Variants in CCNB3 observed in about 807,000 individuals in gnomAD.
The protein encoded by CCNB3 is cyclin B3.
CCNB3 carries 12 observed loss-of-function variants against 68.0 expected under a neutral mutation model. That is an observed-to-expected ratio of 0.18 (90% CI 0.11 to 0.29). The LOEUF is 0.29. CCNB3 is among the 10% of genes least tolerant of loss of function. The pLI, the probability that CCNB3 is intolerant of heterozygous loss-of-function variation, is 1.00. For missense variants in CCNB3, 904 were observed against 993.1 expected (o/e 0.91, Z 1.21); for synonymous variants, 354 against 388.9 (o/e 0.91, Z 1.06).
intron 1 of CCNB3, among the ~76,000 whole-genome samples, chrX:50,219,795 T>C (rs1310550290): frequency 9.0e-6 from 1 of 111,727 alleles, no homozygotes; most frequent in Non-Finnish European, 1.9e-5. Context: ...TAGTTTTTTC[T>C]AATTCTGTGA....
chrX:50,350,422 A>G (rs977802384), intron 11 of CCNB3, among the ~76,000 whole-genome samples: 2 of 112,011 alleles, frequency 1.8e-5, no homozygotes, highest in African/African-American at 6.5e-5. Context: ...TGCCTCCAGG[A>G]CCTCTGCTCT....
At chrX:50,317,889 C>G (rs1277226984) in intron 8 of CCNB3, among the ~76,000 whole-genome samples, 7 of 110,968 alleles carry the variant, frequency 6.3e-5, no homozygotes, top group African/African-American at 2.3e-4. Flanking sequence ...TATTTTATCT[C>G]AAAGGTTTAT....
intron 8 of CCNB3, among the ~76,000 whole-genome samples, chrX:50,314,495 A>G (rs1921627492): frequency 8.9e-6 from 1 of 112,151 alleles, no homozygotes; most frequent in Admixed American, 9.5e-5. Context: ...AATGAATGGA[A>G]TTGAAAGAAT....
chrX:50,214,475 CATATATATATAT>C lies in CCNB3; in HGVS notation c.-113+9548_-113+9559del, dbSNP rs1184201216. On this transcript the variant is annotated intron_variant, in intron 1 of 12. Coordinates refer to ENST00000376042, the MANE Select transcript of CCNB3 (RefSeq NM_033031.3). ...TTACCTTTCAGTTTTAGCTGTGGCC[CATATATATATAT>C]ATATATATATATATATATATATTTT... 4.3e-3 allele frequency among the ~76,000 whole-genome samples: 41 copies of C among 9,488 alleles called. 5 individuals are homozygous for C. Among genetic ancestry groups the C allele is most frequent in the Middle Eastern group, 0.1 (1 of 10 alleles). 8.2% of individuals were successfully genotyped at this position (9,488 alleles called of 115,157 possible).
rs1445705545 is a variant in CCNB3 at position 50,301,307 on chromosome X, T to C, written c.335+6314T>C. Among the ~76,000 whole-genome samples, 16 of 111,627 alleles carry C rather than the reference T, an allele frequency of 1.4e-4. No individual in the cohort carries two copies. The East Asian group carries it at 3.7e-3, about 26-fold the overall frequency. ...TTGGTGATGGTGATGTACAGATGGG[T>C]TTTTGGTGTGGATGTCCTTTCTGTT... On this transcript the variant is annotated intron_variant, in intron 5 of 12. Coordinates refer to ENST00000376042, the MANE Select transcript of CCNB3 (RefSeq NM_033031.3).
intron 3 of CCNB3, among the ~76,000 whole-genome samples, chrX:50,285,665 A>G (rs1936221949): frequency 9.0e-6 from 1 of 111,650 alleles, no homozygotes; most frequent in Non-Finnish European, 1.9e-5. Flanking sequence ...AAGAATGGGT[A>G]TATTTTGACT....
intron 1 of CCNB3, among the ~76,000 whole-genome samples, chrX:50,212,047 G>A (rs1935491102): frequency 9.0e-6 from 1 of 111,614 alleles, no homozygotes; most frequent in African/African-American, 3.3e-5. Context: ...TAATAAGAGT[G>A]AACTCAATCA....
chrX:50,304,823 C>T (rs1311376380), intron 5 of CCNB3, among the ~76,000 whole-genome samples: 10 of 111,841 alleles, frequency 8.9e-5, no homozygotes, highest in Non-Finnish European at 1.9e-4. Context: ...AAACAAACAA[C>T]CCCATCAACA....
chrX:50,329,813 C>A (rs1471361287), intron 8 of CCNB3, among the ~76,000 whole-genome samples: 1 of 112,308 alleles, frequency 8.9e-6, no homozygotes, highest in Non-Finnish European at 1.9e-5. Context: ...CTTCTGCACT[C>A]TGCTTCCTCT....
intron 5 of CCNB3, among the ~76,000 whole-genome samples, chrX:50,301,084 C>T (rs1177884921): frequency 2.7e-5 from 3 of 110,501 alleles, no homozygotes; most frequent in Non-Finnish European, 5.7e-5. Context: ...TTCGGACTTC[C>T]TCCTTTAGCT....
At position 50,310,672 on chromosome X, in the gene CCNB3, G is replaced by A. The variant is rs1557214661; in HGVS notation, c.2503G>A (p.Glu835Lys). ...CTTTAAGGAACCTTTGGCCTTGCAG[G>A]AGGAGCCCAGCACTGAGAAGGAGGC... ...AHFKEPLALQEEPSTEKEAVL... is the reference protein window; with the variant it reads ...AHFKEPLALQKEPSTEKEAVL... Residue 835 changes from glutamate (E) to lysine (K), a missense_variant, in exon 6 of 13, where the codon GAG (glutamate) becomes AAG (lysine). Transcript: ENST00000376042. 2 of 1,211,028 alleles carry A rather than the reference G, an allele frequency of 1.7e-6. No homozygotes were observed. Among genetic ancestry groups the A allele is most frequent in the Non-Finnish European group, 2.2e-6 (2 of 895,256 alleles).
In CCNB3 at chrX:50,279,484, T is replaced by G. The variant is rs1352713466; in HGVS notation, c.-112-5058T>G. Among the ~76,000 whole-genome samples, 4 of 82,518 alleles carry G rather than the reference T, an allele frequency of 4.8e-5. No individual in the cohort carries two copies. The East Asian group carries it at 1.5e-3, about 30-fold the overall frequency. 71.7% of individuals were successfully genotyped at this position (82,518 alleles called of 115,157 possible). Reference sequence around the variant, plus strand: ...TATAAATATATAAATATATGAAATATTCATATATAAATATATATGAATGTA... The same window carrying G: ...TATAAATATATAAATATATGAAATAGTCATATATAAATATATATGAATGTA... On this transcript the variant is annotated intron_variant, in intron 1 of 12. Coordinates refer to ENST00000376042, the MANE Select transcript of CCNB3 (RefSeq NM_033031.3).
At chrX:50,292,077 C>T (rs1347732880) in intron 4 of CCNB3, among the ~76,000 whole-genome samples, 1 of 111,323 alleles carries the variant, frequency 9.0e-6, no homozygotes, top group Non-Finnish European at 1.9e-5. Flanking sequence ...TCCCTTTACC[C>T]GTAAGTACAG....
intron 1 of CCNB3, among the ~76,000 whole-genome samples, chrX:50,217,002 A>T (rs989065886): frequency 1.8e-5 from 2 of 111,190 alleles, no homozygotes; most frequent in Admixed American, 9.6e-5. Flanking sequence ...CTGTACCTAC[A>T]TTGAGAACCA....
At chrX:50,339,853 C>T (rs782786799) in intron 8 of CCNB3, among the ~76,000 whole-genome samples, 4 of 110,958 alleles carry the variant, frequency 3.6e-5, no homozygotes, top group South Asian at 3.9e-4. Flanking sequence ...CTCACTATTG[C>T]CAGAACAGCA....
chrX:50,279,676 A>T (rs1020760368), intron 1 of CCNB3, among the ~76,000 whole-genome samples: 3 of 90,655 alleles, frequency 3.3e-5, no homozygotes, highest in African/African-American at 1.2e-4. Context: ...ATGAATATGT[A>T]CATTCATCTA....
At chrX:50,322,896 G>T (rs201611232) in intron 8 of CCNB3, among the ~76,000 whole-genome samples, 2 of 110,773 alleles carry the variant, frequency 1.8e-5, no homozygotes, top group African/African-American at 3.3e-5. Context: ...TTAGAATGGC[G>T]ATCATTAAAA....
At chrX:50,290,184 CA>C (rs1351944686) in intron 4 of CCNB3, among the ~76,000 whole-genome samples, 1 of 111,900 alleles carries the variant, frequency 8.9e-6, no homozygotes, top group Non-Finnish European at 1.9e-5. Context: ...TGACACTGTG[CA>C]AGGAAAGTGT....
chrX:50,305,376 A>G (rs1441709963), intron 5 of CCNB3, among the ~76,000 whole-genome samples: 1 of 111,382 alleles, frequency 9.0e-6, no homozygotes, highest in Non-Finnish European at 1.9e-5. Context: ...GAAGCTGGAA[A>G]CCACTGTTCT....
Sources: allele counts gnomAD v4.1 joint callset (sites outside exome capture counted in the v4.1 genomes callset), GRCh38; gene constraint gnomAD v4.1.1; transcripts MANE v1.5; gene names NCBI Gene and HGNC (gene_info 2026-07-23, HGNC 2026-07-21).